Variants in SCFD2 observed in about 807,000 individuals in gnomAD.
SCFD2 encodes the protein sec1 family domain containing 2.
SCFD2 carries 54 observed loss-of-function variants against 58.9 expected under a neutral mutation model. That is an observed-to-expected ratio of 0.92 (90% CI 0.74 to 1.15). SCFD2 has a LOEUF of 1.15. SCFD2 is among the 50% of genes most tolerant of loss of function. SCFD2 has a pLI of 0.00. For synonymous variants in SCFD2, 321 were observed against 335.9 expected, an observed-to-expected ratio of 0.96 and a Z score of 0.49; for missense variants, 805 against 836.6, an observed-to-expected ratio of 0.96 and a Z score of 0.47.
chr4:52,939,022 T>C (rs959378806), intron 5 of SCFD2, among the ~76,000 whole-genome samples: 10 of 152,286 alleles, frequency 6.6e-5, no homozygotes, highest in African/African-American at 2.2e-4. Flanking sequence ...TCAGTGATCA[T>C]GGAAGCCAGG....
chr4:53,131,738 C>T (rs183847280), intron 5 of SCFD2, among the ~76,000 whole-genome samples: 1 of 152,340 alleles, frequency 6.6e-6, no homozygotes, highest in East Asian at 1.9e-4. Flanking sequence ...CTCCTCCCCG[C>T]TGTGCTCTTT....
At chr4:53,046,736 C>T (rs143858506) in intron 5 of SCFD2, among the ~76,000 whole-genome samples, 3,986 of 152,180 alleles carry the variant, frequency 0.026, 83 homozygotes, top group African/African-American at 0.054. Context: ...GGCATGATCT[C>T]GGCTCACTGC....
intron 4 of SCFD2, among the ~76,000 whole-genome samples, chr4:53,247,910 G>T (rs1025110531): frequency 6.6e-6 from 1 of 151,122 alleles, no homozygotes; most frequent in African/African-American, 2.4e-5. Context: ...GATCATGTTT[G>T]GGGGAGGAGC....
At chr4:53,075,663 G>A (rs961288500) in intron 5 of SCFD2, among the ~76,000 whole-genome samples, 2 of 152,164 alleles carry the variant, frequency 1.3e-5, no homozygotes, top group Non-Finnish European at 2.9e-5. Flanking sequence ...TCTAAGGAGA[G>A]GGAGAGAGAT....
chr4:52,874,481 A>C (rs894107496), intron 8 of SCFD2, among the ~76,000 whole-genome samples: 2 of 152,192 alleles, frequency 1.3e-5, no homozygotes, highest in African/African-American at 4.8e-5. Flanking sequence ...TCCTCCAGGG[A>C]GCATGAGAAG....
chr4:53,274,835 C>T (rs1206394106), intron 3 of SCFD2, among the ~76,000 whole-genome samples: 1 of 152,174 alleles, frequency 6.6e-6, no homozygotes, highest in African/African-American at 2.4e-5. Flanking sequence ...TCTTGGACAT[C>T]GGATTCTCCC....
chr4:53,215,112 C>G (rs1728771937), intron 4 of SCFD2, among the ~76,000 whole-genome samples: 2 of 152,020 alleles, frequency 1.3e-5, no homozygotes, highest in African/African-American at 2.4e-5. Context: ...ATTCTTTTGG[C>G]TTAGGATTGA....
rs1048224823 is a variant in SCFD2 at position 53,205,859 on chromosome 4, C to CA, written c.1312-60278dup. Among the ~76,000 whole-genome samples, 413 of 105,776 alleles carry CA rather than the reference C, an allele frequency of 3.9e-3. 1 individual carries two copies. Among genetic ancestry groups the CA allele is most frequent in the African/African-American group, 8.6e-3 (239 of 27,914 alleles). The allele number at this position is 105,776 out of a possible 152,430, so 69.4% of individuals were successfully genotyped here. On this transcript the variant is annotated intron_variant, in intron 4 of 8. Transcript: ENST00000401642. ...CCTGGGCTATTGAGCGAGACTGTCT[C>CA]AAAAAAAAAAAAAGATGGGCAAAAA...
intron 3 of SCFD2, among the ~76,000 whole-genome samples, chr4:53,307,743 G>A (rs1191378184): frequency 6.6e-6 from 1 of 152,174 alleles, no homozygotes; most frequent in Non-Finnish European, 1.5e-5. Context: ...CTTGGCTGGG[G>A]TGGTACCTCT....
At chr4:53,289,259 G>A (rs776940221) in intron 3 of SCFD2, among the ~76,000 whole-genome samples, 4 of 152,048 alleles carry the variant, frequency 2.6e-5, no homozygotes, top group South Asian at 2.1e-4. Flanking sequence ...CCAGCTACTC[G>A]GGAGGCTGAG....
At chr4:52,972,767 G>T (rs191192390) in intron 5 of SCFD2, among the ~76,000 whole-genome samples, 79 of 152,336 alleles carry the variant, frequency 5.2e-4, no homozygotes, top group African/African-American at 1.7e-3. Context: ...ATAGTTGGAA[G>T]TAGAACACTC....
At chr4:53,035,010 T>G (rs1722719107) in intron 5 of SCFD2, among the ~76,000 whole-genome samples, 3 of 152,192 alleles carry the variant, frequency 2.0e-5, no homozygotes, top group Admixed American at 2.0e-4. Flanking sequence ...AGAGGCCACA[T>G]AGCCAAGACA....
At chr4:52,880,845 G>C (rs1441597550) in intron 8 of SCFD2, among the ~76,000 whole-genome samples, 1 of 152,176 alleles carries the variant, frequency 6.6e-6, no homozygotes, top group East Asian at 1.9e-4. Flanking sequence ...GCTTCTGCTA[G>C]CCTCTCGGCT....
intron 5 of SCFD2, among the ~76,000 whole-genome samples, chr4:52,998,309 C>T (rs761610868): frequency 6.6e-6 from 1 of 152,182 alleles, no homozygotes; most frequent in Non-Finnish European, 1.5e-5. Flanking sequence ...AGCCACTGAC[C>T]TCGCAGGAGA....
At chr4:53,132,343 C>T (rs548282285) in intron 5 of SCFD2, among the ~76,000 whole-genome samples, 1 of 152,158 alleles carries the variant, frequency 6.6e-6, no homozygotes, top group South Asian at 2.1e-4. Context: ...GACATATGTT[C>T]TTCGTCAGAG....
chr4:53,111,679 TAA>T (rs1725177270), intron 5 of SCFD2, among the ~76,000 whole-genome samples: 1 of 152,180 alleles, frequency 6.6e-6, no homozygotes, highest in Non-Finnish European at 1.5e-5. Context: ...GCAACATTGC[TAA>T]TTTTACCATT....
In SCFD2 at chr4:53,272,618, G is replaced by A. The variant is rs147706202; in HGVS notation, c.1311+1208C>T. Among the ~76,000 whole-genome samples the A allele has an allele frequency of 9.8e-3, 1,476 of 150,532 alleles. 22 individuals are homozygous for A. The highest frequency in any genetic ancestry group is 0.032 in the African/African-American group (1,311 of 40,888). On this transcript the variant is annotated intron_variant, in intron 4 of 8. Transcript: ENST00000401642. ...TCGCAAGGACAAAAAACCAAACACCGCATGTTCTCACTCATAGGTGGGAAT... is the reference window on the plus strand; with the variant it reads ...TCGCAAGGACAAAAAACCAAACACCACATGTTCTCACTCATAGGTGGGAAT...
chr4:52,909,173 T>C (rs1169413556), intron 6 of SCFD2, among the ~76,000 whole-genome samples: 1 of 152,176 alleles, frequency 6.6e-6, no homozygotes, highest in Non-Finnish European at 1.5e-5. Context: ...ATATTACAGA[T>C]GCATTCAACA....
At chr4:53,120,581 T>C (rs12508105) in intron 5 of SCFD2, among the ~76,000 whole-genome samples, 91,274 of 151,962 alleles carry the variant, frequency 0.6, 29,427 homozygotes, top group Non-Finnish European at 0.72. Context: ...ATGGTTAACA[T>C]CAAATGTCTC....
Sources: allele counts gnomAD v4.1 joint callset (sites outside exome capture counted in the v4.1 genomes callset), GRCh38; gene constraint gnomAD v4.1.1; transcripts MANE v1.5; gene names NCBI Gene and HGNC (gene_info 2026-07-23, HGNC 2026-07-21).